The following STON2 variants were observed in gnomAD, a reference collection of about 807,000 sequenced individuals.
The protein encoded by STON2 is stonin 2.
STON2 carries 29 observed loss-of-function variants against 65.7 expected under a neutral mutation model. The ratio of observed to expected loss-of-function variants is 0.44; its 90% CI spans 0.33 to 0.60. The LOEUF (loss-of-function observed/expected upper bound fraction) is 0.60. STON2 is among the 20% of genes least tolerant of loss of function. STON2 has a pLI of 0.03. For synonymous variants in STON2, 404 were observed against 414.2 expected (o/e 0.98, Z 0.30); for missense variants, 1,054 against 1,118.1 (o/e 0.94, Z 0.82).
intron 5 of STON2, among the ~76,000 whole-genome samples, chr14:81,285,764 A>G (rs976253203): frequency 2.0e-5 from 3 of 152,220 alleles, no homozygotes; most frequent in Non-Finnish European, 2.9e-5. Flanking sequence ...TATGCTTACT[A>G]CCTGGGTGAC....
At position 81,328,050 on chromosome 14, in the gene STON2, G is replaced by A. The variant is rs1897062770; in HGVS notation, c.572-3863C>T. ...AGCTTTTATGAGAATTCATGATAAAGTATGCAAAGAGTATGTTTCAGTGTC... is the reference window on the plus strand; with the variant it reads ...AGCTTTTATGAGAATTCATGATAAAATATGCAAAGAGTATGTTTCAGTGTC... On this transcript the variant is annotated intron_variant, in intron 4 of 7. Transcript: ENST00000614646. 2.6e-5 allele frequency among the ~76,000 whole-genome samples: 4 copies of A among 152,172 alleles called. No homozygotes were observed. In the South Asian group the frequency reaches 6.2e-4, roughly 24 times the overall value.
At chr14:81,322,508 A>G (rs572070560) in intron 5 of STON2, among the ~76,000 whole-genome samples, 114 of 152,326 alleles carry the variant, frequency 7.5e-4, no homozygotes, top group African/African-American at 2.5e-3. Context: ...GGCTGCAAGC[A>G]ATCTATGCTT....
intron 4 of STON2, among the ~76,000 whole-genome samples, chr14:81,355,192 G>A (rs1439108099): frequency 6.6e-6 from 1 of 152,046 alleles, no homozygotes. Flanking sequence ...ATTCAAGAAG[G>A]AGAAGAAAGA....
chr14:81,260,967 A>G lies in STON2; in HGVS notation c.*7447T>C, dbSNP rs1894116660. 6.6e-6 allele frequency: 1 copy of G among 152,200 alleles called. No individual in the cohort carries two copies. Among genetic ancestry groups the G allele is most frequent in the South Asian group, 2.1e-4 (1 of 4,828 alleles). 9.4% of individuals were successfully genotyped at this position (152,200 alleles called of 1,614,324 possible). On this transcript the variant is annotated 3_prime_UTR_variant, in exon 8 of 8. Transcript: ENST00000614646. Reference sequence around the variant, plus strand: ...GAAATTTATTACAGACATTACAAGAATGGAGGGTGAGGAATGGTGCTTCTC... The same window carrying G: ...GAAATTTATTACAGACATTACAAGAGTGGAGGGTGAGGAATGGTGCTTCTC...
chr14:81,339,414 G>A (rs1897504527), intron 4 of STON2, among the ~76,000 whole-genome samples: 1 of 152,176 alleles, frequency 6.6e-6, no homozygotes, highest in African/African-American at 2.4e-5. Context: ...GGCACGCAAG[G>A]TGGATGGCAG....
chr14:81,426,821 G>A (rs947530194), intron 2 of STON2, among the ~76,000 whole-genome samples: 25 of 152,202 alleles, frequency 1.6e-4, no homozygotes, highest in South Asian at 6.2e-4. Context: ...ATAAGATTTC[G>A]TTTGAGCATA....
chr14:81,329,457 A>AC (rs1229291514), intron 4 of STON2, among the ~76,000 whole-genome samples: 2 of 72,512 alleles, frequency 2.8e-5, no homozygotes, highest in African/African-American at 2.7e-4. Context: ...TCTGTCTCAA[A>AC]AAAAAAAAAA....
chr14:81,294,277 C>A (rs1189613393), intron 5 of STON2, among the ~76,000 whole-genome samples: 1 of 152,200 alleles, frequency 6.6e-6, no homozygotes, highest in East Asian at 1.9e-4. Context: ...ATATAAGACA[C>A]ATACTTCTGT....
At chr14:81,417,557 AC>A (rs1465417175) in intron 2 of STON2, among the ~76,000 whole-genome samples, 1 of 152,190 alleles carries the variant, frequency 6.6e-6, no homozygotes, top group Non-Finnish European at 1.5e-5. Context: ...CTCAATACAT[AC>A]CCTAAGGAAA....
intron 1 of STON2, among the ~76,000 whole-genome samples, chr14:81,429,038 T>C (rs1328804319): frequency 6.6e-6 from 1 of 152,238 alleles, no homozygotes; most frequent in Admixed American, 6.5e-5. Flanking sequence ...TGGTACCTTC[T>C]TTCAATGAAA....
Position 81,262,715 on chromosome 14 carries a change from T to C in STON2, c.*5699A>G, listed in dbSNP as rs17111620. ...TTGAGAGACACATTTTTTTTTCAAT[T>C]CTCAAAACAACTAGACTCTTTCCAG... On this transcript the variant is annotated 3_prime_UTR_variant, in exon 8 of 8. Transcript: ENST00000614646. 5.1e-4 allele frequency: 502 copies of C among 985,440 alleles called. 16 individuals are homozygous for C. The East Asian group carries it at 0.04, about 78-fold the overall frequency. The allele number at this position is 985,440 out of a possible 1,614,324, so 61.0% of individuals were successfully genotyped here.
At chr14:81,331,597 G>C (rs537174823) in intron 4 of STON2, among the ~76,000 whole-genome samples, 1 of 152,136 alleles carries the variant, frequency 6.6e-6, no homozygotes, top group Non-Finnish European at 1.5e-5. Flanking sequence ...CCAATACAAC[G>C]AATGAACTTT....
rs959757886 is a variant in STON2, at chr14:81,371,853, T to C, written c.374-668A>G. Among the ~76,000 whole-genome samples, 25 of 152,216 alleles carry C rather than the reference T, an allele frequency of 1.6e-4. 1 individual carries two copies. The highest frequency in any genetic ancestry group is 6.5e-4 in the Admixed American group (10 of 15,296). Reference sequence around the variant, plus strand: ...TTGCAGTTTCACCCTTACTGTTACATTTCCTCCATTTTTAGTGGCACAAAA... The same window carrying C: ...TTGCAGTTTCACCCTTACTGTTACACTTCCTCCATTTTTAGTGGCACAAAA... On this transcript the variant is annotated intron_variant, in intron 3 of 7. Transcript: ENST00000614646.
At chr14:81,390,500 T>C (rs1900027987) in intron 3 of STON2, among the ~76,000 whole-genome samples, 1 of 151,906 alleles carries the variant, frequency 6.6e-6, no homozygotes, top group Non-Finnish European at 1.5e-5. Flanking sequence ...AGAAATACCC[T>C]GCATCGTGAG....
chr14:81,342,675 G>T (rs1457442699), intron 4 of STON2, among the ~76,000 whole-genome samples: 4 of 152,140 alleles, frequency 2.6e-5, no homozygotes, highest in African/African-American at 9.7e-5. Context: ...TCCACGCTTA[G>T]GTGCACAGAT....
intron 4 of STON2, among the ~76,000 whole-genome samples, chr14:81,345,618 G>T (rs966699591): frequency 1.3e-5 from 2 of 152,074 alleles, no homozygotes; most frequent in Non-Finnish European, 2.9e-5. Context: ...AAAATTAGCC[G>T]AGCATGGTGG....
At chr14:81,349,287 T>C (rs1217104717) in intron 4 of STON2, among the ~76,000 whole-genome samples, 1 of 151,974 alleles carries the variant, frequency 6.6e-6, no homozygotes. Flanking sequence ...GAAATAATAA[T>C]AGTGCAAAGA....
intron 4 of STON2, among the ~76,000 whole-genome samples, chr14:81,338,864 T>C (rs528823813): frequency 6.6e-6 from 1 of 152,184 alleles, no homozygotes; most frequent in Non-Finnish European, 1.5e-5. Context: ...CGATCCTCAA[T>C]GGGAGGCATA....
intron 4 of STON2, among the ~76,000 whole-genome samples, chr14:81,325,861 G>T (rs1347344065): frequency 6.6e-6 from 1 of 151,996 alleles, no homozygotes; most frequent in Non-Finnish European, 1.5e-5. Flanking sequence ...ACTGAGAAGG[G>T]ATAAAGAAGA....
Sources: gnomAD v4.1 joint callset for allele counts (sites outside exome capture counted in the v4.1 genomes callset) on GRCh38, gnomAD v4.1.1 for gene constraint, MANE v1.5 for transcripts, NCBI Gene and HGNC (gene_info 2026-07-23, HGNC 2026-07-21) for gene names.